The following FLNB variants were observed in gnomAD, a reference collection of about 807,000 sequenced individuals.
FLNB encodes filamin B.
In FLNB, 111 loss-of-function variants were observed where a neutral mutation model predicts 250.6. The ratio of observed to expected loss-of-function variants is 0.44; its 90% CI spans 0.38 to 0.52. FLNB has a LOEUF of 0.52. FLNB is among the 20% of genes least tolerant of loss of function. FLNB has a pLI of 0.00. For synonymous variants in FLNB, 1,302 were observed against 1,372.1 expected, an observed-to-expected ratio of 0.95 and a Z score of 1.13; for missense variants, 2,869 against 3,447.8, an observed-to-expected ratio of 0.83 and a Z score of 4.20.
At chr3:58,077,318 C>A in intron 2 of FLNB, 24 bp downstream of exon 2, 2 of 1,613,046 alleles carry the variant, frequency 1.2e-6, no homozygotes, top group Non-Finnish European at 1.7e-6. Context: ...GCTGCCTAAA[C>A]CATCTGTCCA....
At chr3:58,011,231 G>T (rs1281437066) in intron 1 of FLNB, among the ~76,000 whole-genome samples, 2 of 151,886 alleles carry the variant, frequency 1.3e-5, no homozygotes, top group African/African-American at 4.8e-5. Context: ...TTTTATTTTC[G>T]AATCCACTCA....
chr3:58,011,079 T>C (rs1012401807), intron 1 of FLNB, among the ~76,000 whole-genome samples: 3 of 152,114 alleles, frequency 2.0e-5, no homozygotes, highest in African/African-American at 7.2e-5. Flanking sequence ...CACGCCCGGC[T>C]AATTTTTGTA....
intron 4 of FLNB, among the ~76,000 whole-genome samples, chr3:58,086,936 A>AAC (rs1369988405): frequency 6.6e-6 from 1 of 152,090 alleles, no homozygotes; most frequent in African/African-American, 2.4e-5. Flanking sequence ...AACGTGGTGA[A>AAC]ACCCCCTTTA....
Position 58,169,466 on chromosome 3 carries a change from G to C in FLNB, c.7418-124G>C. On this transcript the variant is annotated intron_variant, in intron 44 of 45. Coordinates refer to ENST00000295956, the MANE Select transcript of FLNB (RefSeq NM_001457.4). The surrounding 1 kb of genome is among the most constrained non-coding windows in gnomAD (Gnocchi z 4.8). The stretch of plus-strand genomic sequence containing the variant: ...ATGGGTGTGAGATACAGGTGTGGTG[G>C]CTTTTGTGTTGGGGTGCGCGGGCTC... 1.3e-6 allele frequency: 1 copy of C among 771,646 alleles called. No homozygotes were observed. The highest frequency in any genetic ancestry group is 2.3e-6 in the Non-Finnish European group (1 of 426,088). The allele number at this position is 771,646 out of a possible 1,614,324, so 47.8% of individuals were successfully genotyped here. A position where few individuals can be genotyped will look rare whatever the true frequency, so the allele number is the denominator to read the frequency against.
chr3:58,091,358 C>T (rs1170946681), intron 4 of FLNB, among the ~76,000 whole-genome samples: 1 of 152,126 alleles, frequency 6.6e-6, no homozygotes, highest in African/African-American at 2.4e-5. Context: ...CATTATAGAT[C>T]AGTGAAACAG....
At chr3:58,063,965 GT>G (rs201488144) in intron 1 of FLNB, among the ~76,000 whole-genome samples, 7 of 148,882 alleles carry the variant, frequency 4.7e-5, no homozygotes, top group South Asian at 2.2e-4. Flanking sequence ...AAGCCAAAAG[GT>G]TTTTTTTTTC....
At position 58,121,280 on chromosome 3, in the gene FLNB, C is replaced by T; in HGVS notation, c.2903C>T (p.Thr968Ile). 1 of 1,614,096 alleles carries T rather than the reference C, an allele frequency of 6.2e-7. No homozygotes were observed. Among genetic ancestry groups the T allele is most frequent in the Non-Finnish European group, 8.5e-7 (1 of 1,180,004 alleles). The change falls in exon 20 of 46, where the codon ACC becomes ATC. Residue 968 changes from threonine (T) to isoleucine (I), a missense_variant. Physicochemically the swap from Thr to Ile is moderately conservative, Grantham distance 89. This residue lies in a region of FLNB where 1,348 missense variants were observed against 1,466.7 expected (regional missense o/e 0.92). Transcript: ENST00000295956. ...VGKDQEFTVD[T>I]RGAGGQGKLD... ...AAGGATCAGGAGTTCACCGTTGATA[C>T]CAGGGGGGCAGGAGGCCAGGGGAAG... is the stretch of plus-strand genomic sequence containing the variant.
chr3:58,089,324 C>A (rs2097222382), intron 4 of FLNB, among the ~76,000 whole-genome samples: 1 of 152,060 alleles, frequency 6.6e-6, no homozygotes, highest in Non-Finnish European at 1.5e-5. Context: ...GCGGGCAGAT[C>A]ACCTGAGGTC....
rs1167063621 is a variant in FLNB at position 58,091,741 on chromosome 3, T to C, written c.788-3095T>C. Among the ~76,000 whole-genome samples the C allele has an allele frequency of 7.2e-5, 11 of 152,284 alleles. No homozygotes were observed. The East Asian group carries it at 2.1e-3, about 29-fold the overall frequency. On this transcript the variant is annotated intron_variant, in intron 4 of 45. Transcript: ENST00000295956. ...CATGGTGGTTGGCCTTTATGTGCTG[T>C]TGAGGGTTTTCCTGCATTGAAGGGT...
chr3:58,039,780 G>T (rs1279975042), intron 1 of FLNB, among the ~76,000 whole-genome samples: 1 of 152,156 alleles, frequency 6.6e-6, no homozygotes, highest in Non-Finnish European at 1.5e-5. Flanking sequence ...TTATTCATGG[G>T]TGGTGGGGAG....
intron 28 of FLNB, 115 bp from the exon 29 acceptor site, chr3:58,138,167 G>A (rs1462876032): frequency 7.4e-7 from 1 of 1,354,508 alleles, no homozygotes; most frequent in Non-Finnish European, 1.1e-6. Context: ...CTGAATGGCA[G>A]CAGTTGGAGG....
At chr3:58,086,243 C>T (rs1042698853) in intron 4 of FLNB, among the ~76,000 whole-genome samples, 12 of 151,578 alleles carry the variant, frequency 7.9e-5, no homozygotes, top group Non-Finnish European at 1.8e-4. Context: ...TCAAGCAATC[C>T]CCCTGCCTTG....
intron 1 of FLNB, among the ~76,000 whole-genome samples, chr3:58,039,963 G>A (rs1212194917): frequency 1.3e-5 from 2 of 152,134 alleles, no homozygotes; most frequent in Admixed American, 6.5e-5. Flanking sequence ...TGGCCAACAT[G>A]GTGAAACTCT....
chr3:58,158,056 G>A (rs551850619), intron 41 of FLNB, among the ~76,000 whole-genome samples: 10 of 133,320 alleles, frequency 7.5e-5, no homozygotes, highest in South Asian at 5.3e-4. Flanking sequence ...GGCATGTATC[G>A]TTTTGTCTTG....
chr3:58,117,598 C>T (rs936421836), intron 18 of FLNB, among the ~76,000 whole-genome samples: 1 of 152,116 alleles, frequency 6.6e-6, no homozygotes, highest in African/African-American at 2.4e-5. Flanking sequence ...GCTGAAGTAG[C>T]GAGTCAGTCC....
intron 1 of FLNB, among the ~76,000 whole-genome samples, chr3:58,040,630 G>A (rs936144418): frequency 6.6e-6 from 1 of 152,182 alleles, no homozygotes; most frequent in Non-Finnish European, 1.5e-5. Context: ...GAGTAGCTGG[G>A]ACTATAGGCG....
At chr3:58,156,162 G>A in intron 41 of FLNB, 87 bp downstream of exon 41, 1 of 967,934 alleles carries the variant, frequency 1.0e-6, no homozygotes, top group Non-Finnish European at 1.6e-6. Context: ...TGTCCCCTTA[G>A]GTGCTGAGGC....
rs149182236 is a variant in FLNB, at chr3:58,169,659, C to G, written c.7487C>G (p.Ser2496Trp). The G allele has an allele frequency of 8.1e-6, 13 of 1,614,064 alleles. No individual in the cohort carries two copies. The highest frequency in any genetic ancestry group is 1.1e-5 in the Non-Finnish European group (13 of 1,179,970). Reference protein sequence around the residue: ...SSILVESVTRSSTETCYSAIP... With the variant: ...SSILVESVTRWSTETCYSAIP... ...ATCCTGGTGGAGTCAGTGACCAGGT[C>G]GTCTACAGAGACCTGCTATAGCGCC... is the stretch of plus-strand genomic sequence containing the variant. The change falls in exon 45 of 46, where the codon TCG (serine) becomes TGG (tryptophan). Residue 2496 changes from serine to tryptophan, a missense_variant. Around this residue, in one of 5 missense-constraint regions of FLNB, gnomAD observed 1,084 missense variants for 1,315.5 expected, o/e 0.82. Transcript: ENST00000295956. This position sits in a 1 kb window ranked among gnomAD's most constrained non-coding sequence, Gnocchi z 4.8.
chr3:58,087,174 CATG>C, intron 4 of FLNB, among the ~76,000 whole-genome samples: 1 of 152,196 alleles, frequency 6.6e-6, no homozygotes, highest in African/African-American at 2.4e-5. Flanking sequence ...GTAAGAAATT[CATG>C]ATATTTATAA....
Sources: allele counts gnomAD v4.1 joint callset (sites outside exome capture counted in the v4.1 genomes callset), GRCh38; gene constraint gnomAD v4.1.1; regional missense constraint gnomAD v4.1.1; non-coding constraint Gnocchi (gnomAD v3.1); transcripts MANE v1.5; gene names NCBI Gene and HGNC (gene_info 2026-07-23, HGNC 2026-07-21).